JADE1: variants seen among roughly 807,000 people sequenced by gnomAD.
The protein encoded by JADE1 is protein Jade-1.
In JADE1, 14 loss-of-function variants were observed where a neutral mutation model predicts 81.8. The observed-to-expected ratio is 0.17, with a 90% CI of 0.11 to 0.27. The LOEUF (loss-of-function observed/expected upper bound fraction) is 0.27. Among genes scored for constraint, JADE1 ranks in the 10% least tolerant of loss-of-function variants. The pLI is 1.00. For missense variants in JADE1, 690 were observed against 1,047.9 expected (o/e 0.66, Z 4.71); for synonymous variants, 353 against 391.9 (o/e 0.90, Z 1.17).
intron 2 of JADE1, among the ~76,000 whole-genome samples, chr4:128,836,455 C>G (rs1728989848): frequency 6.6e-6 from 1 of 151,932 alleles, no homozygotes; most frequent in Non-Finnish European, 1.5e-5. Context: ...TAAAGGTCTT[C>G]AACTTCGTCT....
intron 1 of JADE1, among the ~76,000 whole-genome samples, chr4:128,815,221 C>G (rs1007263227): frequency 1.4e-5 from 2 of 140,416 alleles, no homozygotes; most frequent in Admixed American, 1.4e-4. Flanking sequence ...CTGCCTCAGC[C>G]TCCAGAGTAG....
At chr4:128,869,545 G>A (rs930940550) in intron 10 of JADE1, among the ~76,000 whole-genome samples, 3 of 152,160 alleles carry the variant, frequency 2.0e-5, no homozygotes, top group East Asian at 1.9e-4. Context: ...AAAATAAGCC[G>A]TAAAGAGCAT....
rs1560757373 is a variant in JADE1 at position 128,848,892 on chromosome 4, G to GGGCTCT, written c.297-88_297-87insGGCTCT. ...TGATGACCTGGGGCTCTAAGGGTTG[G>GGGCTCT]AAGAGGAAGACATTTGGGGCCTTGT... On this transcript the variant is annotated intron_variant, in intron 4 of 10. Coordinates refer to ENST00000226319, the MANE Select transcript of JADE1 (RefSeq NM_199320.4). 1.4e-5 allele frequency: 18 copies of GGGCTCT among 1,313,702 alleles called. No homozygotes were observed. The African/African-American group carries it at 2.2e-4, about 16-fold the overall frequency. The allele number at this position is 1,313,702 out of a possible 1,614,324, so 81.4% of individuals were successfully genotyped here. A position where few individuals can be genotyped will look rare whatever the true frequency, so the allele number is the denominator to read the frequency against.
chr4:128,814,084 C>G (rs1726765041), intron 1 of JADE1, among the ~76,000 whole-genome samples: 1 of 151,392 alleles, frequency 6.6e-6, no homozygotes, highest in Non-Finnish European at 1.5e-5. Flanking sequence ...CCCCGCTTCA[C>G]TTGACTGGTT....
intron 5 of JADE1, among the ~76,000 whole-genome samples, chr4:128,849,528 G>A (rs1236965533): frequency 6.6e-6 from 1 of 152,136 alleles, no homozygotes; most frequent in Non-Finnish European, 1.5e-5. Context: ...GATGCCATTC[G>A]GATTCCTTCT....
chr4:128,869,939 A>C (rs1732065257), intron 10 of JADE1, among the ~76,000 whole-genome samples: 1 of 151,970 alleles, frequency 6.6e-6, no homozygotes, highest in South Asian at 2.1e-4. Flanking sequence ...GTCATGATTT[A>C]TATGTCATTT....
At chr4:128,868,004 T>C (rs764269753) in intron 10 of JADE1, 31 bp downstream of exon 10, 3 of 1,219,834 alleles carry the variant, frequency 2.5e-6, no homozygotes, top group Non-Finnish European at 3.6e-6. Flanking sequence ...GGTCAAAGTA[T>C]AGGGCAGGGG....
chr4:128,827,990 C>A, intron 1 of JADE1: 2 of 545,972 alleles, frequency 3.7e-6, no homozygotes, highest in Non-Finnish European at 4.7e-6. Context: ...TCAGTCTTAC[C>A]AGCCTCCTCT....
At chr4:128,870,945 G>A (rs1412412672) in intron 10 of JADE1, among the ~76,000 whole-genome samples, 1 of 152,158 alleles carries the variant, frequency 6.6e-6, no homozygotes, top group African/African-American at 2.4e-5. Flanking sequence ...TCTCAGTCTC[G>A]TACGGGAGGC....
At chr4:128,814,664 C>CG (rs1726833253) in intron 1 of JADE1, among the ~76,000 whole-genome samples, 1 of 150,590 alleles carries the variant, frequency 6.6e-6, no homozygotes, top group Non-Finnish European at 1.5e-5. Flanking sequence ...CAGGTTCAAG[C>CG]GATTCTCCTG....
chr4:128,870,614 T>C (rs1732118520), intron 10 of JADE1, among the ~76,000 whole-genome samples: 1 of 152,196 alleles, frequency 6.6e-6, no homozygotes, highest in Admixed American at 6.5e-5. Flanking sequence ...TATCAAATGA[T>C]GAGGGTTAAT....
rs759432459 is a variant in JADE1 at position 128,846,220 on chromosome 4, G to A, written c.139-155G>A. 4.6e-5 allele frequency among the ~76,000 whole-genome samples: 7 copies of A among 152,178 alleles called. No homozygotes were observed. Among genetic ancestry groups the A allele is most frequent in the Non-Finnish European group, 7.3e-5 (5 of 68,032 alleles). The stretch of plus-strand genomic sequence containing the variant: ...CCCATGCCTGAGTGAGGTAAAAGGC[G>A]TGTCAGGCAAAGTTTTTCTGTAATA... On this transcript the variant is annotated intron_variant, in intron 3 of 10. Transcript: ENST00000226319. This position sits in a 1 kb window ranked among gnomAD's most constrained non-coding sequence, Gnocchi z 4.0.
Position 128,873,256 on chromosome 4 carries a change from G to GAAAAAAAAAAAAAAAAAAAAAAAAAAAAA in JADE1, c.*1010_*1011insAAAAAAAAAAAAAAAAAAAAAAAAAAAAA, listed in dbSNP as rs1296724284. On this transcript the variant is annotated 3_prime_UTR_variant, in exon 11 of 11. Transcript: ENST00000226319. ...CATGAATGGATTCCTTAAGAAAAAG[G>GAAAAAAAAAAAAAAAAAAAAAAAAAAAAA]AAAAAAAAAAAAAAAAGAAAAAAAG... 1.0e-4 allele frequency: 3 copies of GAAAAAAAAAAAAAAAAAAAAAAAAAAAAA among 28,678 alleles called. No individual in the cohort carries two copies. Among genetic ancestry groups the GAAAAAAAAAAAAAAAAAAAAAAAAAAAAA allele is most frequent in the Non-Finnish European group, 1.5e-4 (2 of 13,490 alleles). The allele number at this position is 28,678 out of a possible 1,614,324, so 1.8% of individuals were successfully genotyped here. A position where few individuals can be genotyped will look rare whatever the true frequency, so the allele number is the denominator to read the frequency against.
At chr4:128,823,507 T>A (rs1727766522) in intron 1 of JADE1, among the ~76,000 whole-genome samples, 1 of 152,206 alleles carries the variant, frequency 6.6e-6, no homozygotes, top group African/African-American at 2.4e-5. Flanking sequence ...ATTTTTTTTC[T>A]TTTGGAGGAG....
intron 1 of JADE1, chr4:128,811,806 G>C (rs1161252775): frequency 2.6e-5 from 4 of 151,800 alleles, no homozygotes. Flanking sequence ...TTGGTTCCGC[G>C]CCGCCTTCCT....
intron 8 of JADE1, among the ~76,000 whole-genome samples, chr4:128,859,695 G>T (rs73850016): frequency 0.011 from 1,675 of 152,348 alleles, 21 homozygotes; most frequent in African/African-American, 0.037. Flanking sequence ...TTATGCCCTT[G>T]CCTGAGTATG....
At chr4:128,840,984 A>C (rs1301760387) in intron 2 of JADE1, among the ~76,000 whole-genome samples, 2 of 152,234 alleles carry the variant, frequency 1.3e-5, no homozygotes, top group South Asian at 4.1e-4. Context: ...AAGCATGGCA[A>C]TCCCATTTGG....
Position 128,871,346 on chromosome 4 carries a change from TG to T in JADE1, c.1622-8del, listed in dbSNP as rs755518581. ...TAATTTTTCTTTATTTGTGGTTTTATGTTTATAGGTGTGCCTTCTTCCTGCT... is the reference window on the plus strand; with the variant it reads ...TAATTTTTCTTTATTTGTGGTTTTATTTTATAGGTGTGCCTTCTTCCTGCT... On this transcript the variant is annotated splice_region_variant and splice_polypyrimidine_tract_variant and intron_variant, in intron 10 of 10. Coordinates refer to ENST00000226319, the MANE Select transcript of JADE1 (RefSeq NM_199320.4). The surrounding 1 kb of genome is among the most constrained non-coding windows in gnomAD (Gnocchi z 4.1). The T allele has an allele frequency of 1.3e-6, 2 of 1,593,144 alleles. No homozygotes were observed. Among genetic ancestry groups the T allele is most frequent in the Admixed American group, 3.6e-5 (2 of 55,278 alleles).
At position 128,840,989 on chromosome 4, in the gene JADE1, A is replaced by G. The variant is rs113245344; in HGVS notation, c.53-1964A>G. On this transcript the variant is annotated intron_variant, in intron 2 of 10. Transcript: ENST00000226319. Reference sequence around the variant, plus strand: ...CCTGTCAGGGAAGCATGGCAATCCCATTTGGTCTTGGTCATCGCAAATCTG... The same window carrying G: ...CCTGTCAGGGAAGCATGGCAATCCCGTTTGGTCTTGGTCATCGCAAATCTG... Among the ~76,000 whole-genome samples the G allele has an allele frequency of 5.6e-3, 846 of 152,334 alleles. 13 individuals are homozygous for G. Among genetic ancestry groups the G allele is most frequent in the African/African-American group, 0.019 (792 of 41,574 alleles).
Sources: gnomAD v4.1 joint callset for allele counts (sites outside exome capture counted in the v4.1 genomes callset) on GRCh38, gnomAD v4.1.1 for gene constraint, Gnocchi (gnomAD v3.1) non-coding constraint, MANE v1.5 for transcripts, NCBI Gene and HGNC (gene_info 2026-07-23, HGNC 2026-07-21) for gene names.